The following PRKCA variants were observed in gnomAD, a reference collection of about 807,000 sequenced individuals.
PRKCA encodes protein kinase C alpha type.
Under a neutral mutation model 87.0 loss-of-function variants are expected in PRKCA, and 27 were observed. The ratio of observed to expected loss-of-function variants is 0.31; its 90% CI spans 0.23 to 0.43. The LOEUF (loss-of-function observed/expected upper bound fraction) is 0.43, where lower values mean the gene tolerates loss of function less well. Among genes scored for constraint, PRKCA ranks in the 20% least tolerant of loss-of-function variants. PRKCA has a pLI of 1.00. For missense variants in PRKCA, 518 were observed against 852.3 expected (o/e 0.61, Z 4.88); for synonymous variants, 329 against 311.1 (o/e 1.06, Z -0.61).
At chr17:66,732,560 C>A in intron 8 of PRKCA, 128 bp from the exon 9 acceptor site, 1 of 1,141,714 alleles carries the variant, frequency 8.8e-7, no homozygotes, top group East Asian at 2.4e-5. Flanking sequence ...CAATTCTCAC[C>A]CTTTGTTCCT....
rs889227689 is a variant in PRKCA, at chr17:66,809,495, A to G, written c.*5458A>G. ...TTTTTTATAGAGAACTTTAATAATA[A>G]TTCTTTAAAAATGAGTTTTTAGAAC... On this transcript the variant is annotated 3_prime_UTR_variant, in exon 17 of 17. Coordinates refer to ENST00000413366, the MANE Select transcript of PRKCA (RefSeq NM_002737.3). 1.3e-5 allele frequency: 2 copies of G among 152,404 alleles called. No individual in the cohort carries two copies. Among genetic ancestry groups the G allele is most frequent in the Admixed American group, 1.3e-4 (2 of 15,290 alleles). The allele number at this position is 152,404 out of a possible 1,614,324, so 9.4% of individuals were successfully genotyped here. A position where few individuals can be genotyped will look rare whatever the true frequency, so the allele number is the denominator to read the frequency against.
At chr17:66,539,143 A>G (rs1967890596) in intron 3 of PRKCA, among the ~76,000 whole-genome samples, 1 of 152,166 alleles carries the variant, frequency 6.6e-6, no homozygotes, top group African/African-American at 2.4e-5. Flanking sequence ...TGTAGACATC[A>G]TTGTATTTCT....
intron 3 of PRKCA, among the ~76,000 whole-genome samples, chr17:66,545,267 A>C (rs1410623119): frequency 6.6e-6 from 1 of 152,138 alleles, no homozygotes; most frequent in Non-Finnish European, 1.5e-5. Flanking sequence ...CCTCTACTAA[A>C]AAATACAAAA....
At chr17:66,557,852 T>C (rs550077430) in intron 3 of PRKCA, among the ~76,000 whole-genome samples, 4 of 152,284 alleles carry the variant, frequency 2.6e-5, no homozygotes, top group Admixed American at 2.6e-4. Context: ...GAGAGCAGTG[T>C]TTTGAGCTCA....
In PRKCA at chr17:66,626,202, CT is replaced by C. The variant is rs559635396; in HGVS notation, c.289-15141del. Reference sequence around the variant, plus strand: ...TCTTTTGTCTTCCTCTTTTTCTTTTCTTTTTTTTTTTTGAGACAGAGTCTCA... The same window carrying C: ...TCTTTTGTCTTCCTCTTTTTCTTTTCTTTTTTTTTTTGAGACAGAGTCTCA... On this transcript the variant is annotated intron_variant, in intron 3 of 16. Transcript: ENST00000413366. Among the ~76,000 whole-genome samples, 453 of 138,370 alleles carry C rather than the reference CT, an allele frequency of 3.3e-3. 1 individual carries two copies. The highest frequency in any genetic ancestry group is 9.2e-3 in the African/African-American group (309 of 33,646). 90.8% of individuals were successfully genotyped at this position (138,370 alleles called of 152,430 possible).
intron 3 of PRKCA, among the ~76,000 whole-genome samples, chr17:66,567,415 G>A (rs1438779546): frequency 6.6e-6 from 1 of 152,070 alleles, no homozygotes; most frequent in Non-Finnish European, 1.5e-5. Context: ...TTGTTGCTAA[G>A]CCGTGGCTGT....
At chr17:66,524,846 G>A (rs1223611749) in intron 3 of PRKCA, among the ~76,000 whole-genome samples, 1 of 152,124 alleles carries the variant, frequency 6.6e-6, no homozygotes, top group African/African-American at 2.4e-5. Context: ...TCCCTGCAAG[G>A]AGACTAAATC....
intron 13 of PRKCA, among the ~76,000 whole-genome samples, chr17:66,752,288 A>G (rs1465686263): frequency 6.6e-6 from 1 of 152,178 alleles, no homozygotes; most frequent in Non-Finnish European, 1.5e-5. Flanking sequence ...CCAGAACATA[A>G]TGGCTTAAAA....
intron 3 of PRKCA, among the ~76,000 whole-genome samples, chr17:66,568,353 G>A (rs574741601): frequency 2.2e-4 from 34 of 152,254 alleles, no homozygotes; most frequent in African/African-American, 7.0e-4. Context: ...GTCTTTATTT[G>A]TGGTAGAGGT....
chr17:66,744,169 T>C (rs1974220751), intron 13 of PRKCA, among the ~76,000 whole-genome samples: 1 of 152,314 alleles, frequency 6.6e-6, no homozygotes, highest in South Asian at 2.1e-4. Context: ...CTGAATCGCA[T>C]GGCCAGAGGT....
chr17:66,515,633 T>C (rs1434858578), intron 3 of PRKCA, among the ~76,000 whole-genome samples: 1 of 152,114 alleles, frequency 6.6e-6, no homozygotes, highest in South Asian at 2.1e-4. Flanking sequence ...GCCTCAATTC[T>C]CTGGGCTCAG....
intron 2 of PRKCA, among the ~76,000 whole-genome samples, chr17:66,386,035 C>T (rs1324474827): frequency 2.6e-5 from 4 of 152,192 alleles, no homozygotes; most frequent in Non-Finnish European, 4.4e-5. Flanking sequence ...GCTGGGATTA[C>T]AGGTGAGAGC....
chr17:66,478,546 G>A (rs1235132122), intron 2 of PRKCA, among the ~76,000 whole-genome samples: 4 of 152,010 alleles, frequency 2.6e-5, no homozygotes, highest in Non-Finnish European at 5.9e-5. Context: ...GGACCACCGC[G>A]CCCAGCCCAT....
intron 14 of PRKCA, among the ~76,000 whole-genome samples, chr17:66,786,029 C>T (rs1052679814): frequency 9.8e-5 from 15 of 152,286 alleles, no homozygotes; most frequent in Admixed American, 3.3e-4. Context: ...GGGGTTTCAC[C>T]ATGTTAGCCA....
At chr17:66,493,323 G>GTA (rs1413493206) in intron 2 of PRKCA, among the ~76,000 whole-genome samples, 1 of 151,532 alleles carries the variant, frequency 6.6e-6, no homozygotes, top group Non-Finnish European at 1.5e-5. Flanking sequence ...GTGTGTGTGT[G>GTA]TGTATGTCTA....
chr17:66,713,348 C>G (rs1973386602), intron 8 of PRKCA, among the ~76,000 whole-genome samples: 1 of 152,108 alleles, frequency 6.6e-6, no homozygotes, highest in Admixed American at 6.5e-5. Context: ...CCGCATCCGA[C>G]CTCATTGTGC....
intron 16 of PRKCA, among the ~76,000 whole-genome samples, chr17:66,801,146 C>A (rs1385828621): frequency 6.6e-6 from 1 of 152,208 alleles, no homozygotes; most frequent in Non-Finnish European, 1.5e-5. Context: ...GCTGCTCCTG[C>A]CTGATTCCCT....
intron 3 of PRKCA, among the ~76,000 whole-genome samples, chr17:66,585,397 A>G (rs1204314338): frequency 6.6e-6 from 1 of 152,200 alleles, no homozygotes; most frequent in Non-Finnish European, 1.5e-5. Context: ...TCGATTTTAC[A>G]GGCTGCTCTG....
intron 16 of PRKCA, among the ~76,000 whole-genome samples, chr17:66,800,007 C>A (rs1013476298): frequency 6.6e-6 from 1 of 152,134 alleles, no homozygotes; most frequent in Non-Finnish European, 1.5e-5. Context: ...ACCCTCAGGT[C>A]ATCCTGCAGC....
Sources: allele counts gnomAD v4.1 joint callset (sites outside exome capture counted in the v4.1 genomes callset), GRCh38; gene constraint gnomAD v4.1.1; transcripts MANE v1.5; gene names NCBI Gene and HGNC (gene_info 2026-07-23, HGNC 2026-07-21).